AKAP13: variants seen among roughly 807,000 people sequenced by gnomAD.
AKAP13 encodes A-kinase anchoring protein 13, also known as A-kinase anchor protein 13.
A neutral mutation model predicts 264.5 loss-of-function variants in AKAP13; 80 were observed. The ratio of observed to expected loss-of-function variants is 0.30; its 90% confidence interval spans 0.25 to 0.36. The LOEUF is 0.36. Among genes scored for constraint, AKAP13 ranks in the 10% least tolerant of loss-of-function variants. The pLI is 1.00. For missense variants in AKAP13, 3,712 were observed against 3,435.2 expected, an observed-to-expected ratio of 1.08 and a Z score of -2.01; for synonymous variants, 1,380 against 1,250.2, an observed-to-expected ratio of 1.10 and a Z score of -2.19.
At chr15:85,515,993 A>G (rs1596390515) in intron 2 of AKAP13, among the ~76,000 whole-genome samples, 1 of 152,122 alleles carries the variant, frequency 6.6e-6, no homozygotes, top group African/African-American at 2.4e-5. Flanking sequence ...CTGTTGTCCA[A>G]TTTTTAACAA....
At chr15:85,498,960 AAG>A (rs2075965842) in intron 2 of AKAP13, among the ~76,000 whole-genome samples, 1 of 152,208 alleles carries the variant, frequency 6.6e-6, no homozygotes, top group Non-Finnish European at 1.5e-5. Flanking sequence ...CAAATGAACA[AAG>A]AGGATAGTTT....
chr15:85,599,586 G>A (rs540164846), intron 8 of AKAP13, among the ~76,000 whole-genome samples: 2 of 152,128 alleles, frequency 1.3e-5, no homozygotes, highest in African/African-American at 4.8e-5. Context: ...GTCCCAGAAG[G>A]GGGGAGGTGG....
At chr15:85,625,139 A>T (rs915894666) in intron 8 of AKAP13, among the ~76,000 whole-genome samples, 1 of 152,222 alleles carries the variant, frequency 6.6e-6, no homozygotes, top group African/African-American at 2.4e-5. Flanking sequence ...GTAGATGTTT[A>T]ATGGTAAAAT....
intron 1 of AKAP13, among the ~76,000 whole-genome samples, chr15:85,383,947 C>A (rs2070422360): frequency 6.6e-6 from 1 of 152,150 alleles, no homozygotes; most frequent in South Asian, 2.1e-4. Context: ...TTCAAGATAA[C>A]ACTTTAAAGG....
At chr15:85,402,199 T>G (rs1489881600) in intron 1 of AKAP13, among the ~76,000 whole-genome samples, 5 of 152,154 alleles carry the variant, frequency 3.3e-5, no homozygotes, top group African/African-American at 1.2e-4. Context: ...CAAGTGAGAT[T>G]GGGGAGGGCA....
At chr15:85,683,538 C>G (rs928498321) in intron 15 of AKAP13, 2 of 152,232 alleles carry the variant, frequency 1.3e-5, no homozygotes, top group African/African-American at 4.8e-5. Context: ...CAAACAATCT[C>G]GGCTCACTGC....
intron 1 of AKAP13, among the ~76,000 whole-genome samples, chr15:85,447,400 A>G (rs2073938897): frequency 6.6e-6 from 1 of 152,010 alleles, no homozygotes; most frequent in Non-Finnish European, 1.5e-5. Context: ...AGGTTTGGGG[A>G]TACATGTTAA....
intron 10 of AKAP13, among the ~76,000 whole-genome samples, chr15:85,646,783 A>G (rs1018583761): frequency 6.6e-6 from 1 of 152,212 alleles, no homozygotes; most frequent in African/African-American, 2.4e-5. Context: ...TCACATTTGC[A>G]TATAATTGGA....
chr15:85,570,075 C>CAA (rs141206000), intron 5 of AKAP13, among the ~76,000 whole-genome samples: 23,327 of 83,364 alleles, frequency 0.28, 3,791 homozygotes, highest in East Asian at 0.38. Context: ...GACTCCGTCT[C>CAA]AAAAAAAAAA....
At position 85,580,436 on chromosome 15, in the gene AKAP13, A is replaced by C. The variant is rs995858231; in HGVS notation, c.2368A>C (p.Ser790Arg). 4 of 1,614,252 alleles carry C rather than the reference A, an allele frequency of 2.5e-6. No homozygotes were observed. The highest frequency in any genetic ancestry group is 1.7e-6 in the Non-Finnish European group (2 of 1,180,040). ...AGACAGTACTTTCTCTCTGGCAAAC[A>C]GTCCAGGCAGTGAATCAGTAACCAA... ...ISDSTFSLAN[S>R]PGSESVTKDD... is the part of the protein sequence containing the mutation. Residue 790 changes from serine to arginine, a missense_variant, in exon 7 of 37, where the codon AGT (serine) becomes CGT (arginine). Ser to Arg is a moderately radical substitution (Grantham distance 110, BLOSUM62 -1). Transcript: ENST00000394518.
At chr15:85,430,111 T>A (rs2072961287) in intron 1 of AKAP13, among the ~76,000 whole-genome samples, 1 of 152,228 alleles carries the variant, frequency 6.6e-6, no homozygotes, top group African/African-American at 2.4e-5. Context: ...AACTTCTGTA[T>A]TTAATAGAAT....
chr15:85,631,837 C>T (rs557140976), intron 8 of AKAP13, among the ~76,000 whole-genome samples: 1 of 151,798 alleles, frequency 6.6e-6, no homozygotes, highest in Non-Finnish European at 1.5e-5. Flanking sequence ...GAAGTTGTTA[C>T]AAAATAAGTT....
chr15:85,735,982 G>A, intron 32 of AKAP13, 108 bp from the exon 33 acceptor site: 1 of 902,462 alleles, frequency 1.1e-6, no homozygotes. Context: ...ACCTTAGTGA[G>A]AGGCTGTGGT....
chr15:85,439,498 C>T (rs929466733), intron 1 of AKAP13, among the ~76,000 whole-genome samples: 2 of 151,670 alleles, frequency 1.3e-5, no homozygotes, highest in African/African-American at 4.9e-5. Context: ...ATAAATCATG[C>T]TGCTGTAAAG....
At chr15:85,692,888 C>G (rs1457552584) in intron 16 of AKAP13, among the ~76,000 whole-genome samples, 1 of 152,046 alleles carries the variant, frequency 6.6e-6, no homozygotes, top group African/African-American at 2.4e-5. Context: ...TTTTTCTGCC[C>G]TCTGCCTAAA....
chr15:85,443,226 T>C (rs939710699), intron 1 of AKAP13, among the ~76,000 whole-genome samples: 6 of 152,132 alleles, frequency 3.9e-5, no homozygotes, highest in African/African-American at 7.2e-5. Context: ...CTACTCAAAT[T>C]AAGACTTGTT....
intron 8 of AKAP13, among the ~76,000 whole-genome samples, chr15:85,626,683 A>C (rs533327472): frequency 2.0e-5 from 3 of 152,252 alleles, no homozygotes; most frequent in Non-Finnish European, 4.4e-5. Flanking sequence ...TGGCTGTTGC[A>C]AATAATGCTG....
At chr15:85,442,487 T>C (rs866890032) in intron 1 of AKAP13, among the ~76,000 whole-genome samples, 28 of 109,912 alleles carry the variant, frequency 2.5e-4, no homozygotes, top group African/African-American at 7.1e-4. Context: ...ATATAATATA[T>C]ATAATATATA....
At chr15:85,559,314 A>C (rs1488929366) in intron 5 of AKAP13, among the ~76,000 whole-genome samples, 2 of 152,162 alleles carry the variant, frequency 1.3e-5, no homozygotes, top group Non-Finnish European at 2.9e-5. Context: ...TACAAATTTA[A>C]ATAATATTTA....
Sources: gnomAD v4.1 joint callset for allele counts (sites outside exome capture counted in the v4.1 genomes callset) on GRCh38, gnomAD v4.1.1 for gene constraint, MANE v1.5 for transcripts, NCBI Gene and HGNC (gene_info 2026-07-23, HGNC 2026-07-21) for gene names.